The following KCNMB1 variants were observed in gnomAD, a reference collection of about 807,000 sequenced individuals.
KCNMB1 encodes the protein potassium calcium-activated channel subfamily M regulatory beta subunit 1, also known as calcium-activated potassium channel subunit beta-1.
A neutral mutation model predicts 21.7 loss-of-function variants in KCNMB1; 22 were observed. The observed-to-expected ratio is 1.01, with a 90% CI of 0.72 to 1.45. The LOEUF is 1.45. KCNMB1 is among the 40% of genes most tolerant of loss of function. The pLI, the probability that KCNMB1 is intolerant of heterozygous loss-of-function variation, is 0.00. For synonymous variants in KCNMB1, 114 were observed against 107.6 expected (o/e 1.06, Z -0.37); for missense variants, 243 against 243.4 (o/e 1.00, Z 0.01).
intron 3 of KCNMB1, 147 bp from the exon 4 acceptor site, chr5:170,379,120 C>T (rs954557383): frequency 5.3e-5 from 50 of 940,726 alleles, no homozygotes; most frequent in Middle Eastern, 3.3e-4. Context: ...GCAGGCCATG[C>T]GCTGTACAGG....
Position 170,376,782 on chromosome 5 carries a change from C to G in KCNMB1, c.*1922G>C, listed in dbSNP as rs1764022285. ...TAATAATGGGTACTAGACTTAATAC[C>G]TGGGTGATGAAATAATCTGCACAAC... On this transcript the variant is annotated 3_prime_UTR_variant, in exon 4 of 4. Coordinates refer to ENST00000274629, the MANE Select transcript of KCNMB1 (RefSeq NM_004137.4). 1 of 152,028 alleles carries G rather than the reference C, an allele frequency of 6.6e-6. No homozygotes were observed. The highest frequency in any genetic ancestry group is 1.5e-5 in the Non-Finnish European group (1 of 68,028). 9.4% of individuals were successfully genotyped at this position (152,028 alleles called of 1,614,324 possible). A position where few individuals can be genotyped will look rare whatever the true frequency, so the allele number is the denominator to read the frequency against.
intron 3 of KCNMB1, among the ~76,000 whole-genome samples, chr5:170,381,856 G>A (rs552014113): frequency 4.2e-4 from 64 of 152,320 alleles, no homozygotes; most frequent in African/African-American, 1.4e-3. Flanking sequence ...GAATGCCAAC[G>A]CAGAGGCAGG....
Position 170,378,618 on chromosome 5 carries a change from G to A in KCNMB1, c.*86C>T. On this transcript the variant is annotated 3_prime_UTR_variant, in exon 4 of 4. Transcript: ENST00000274629. ...GAAGAGTGGGAGGGCAGGTGGAGAA[G>A]GCATTGTGCTGCAAGTGGGGAGCAG... 1.5e-6 allele frequency: 2 copies of A among 1,368,324 alleles called. No homozygotes were observed. The highest frequency in any genetic ancestry group is 4.6e-5 in the East Asian group (2 of 43,460). 84.8% of individuals were successfully genotyped at this position (1,368,324 alleles called of 1,614,324 possible).
chr5:170,384,659 C>A (rs1201474438), intron 2 of KCNMB1, among the ~76,000 whole-genome samples: 1 of 152,204 alleles, frequency 6.6e-6, no homozygotes, highest in Non-Finnish European at 1.5e-5. Flanking sequence ...TGAGACTTAT[C>A]CTAAGGACAG....
At chr5:170,386,170 G>A (rs1362306726) in intron 1 of KCNMB1, among the ~76,000 whole-genome samples, 1 of 152,056 alleles carries the variant, frequency 6.6e-6, no homozygotes, top group African/African-American at 2.4e-5. Context: ...TTGAAATGGG[G>A]AGACAATATT....
chr5:170,383,443 G>A, intron 3 of KCNMB1: 1 of 612,160 alleles, frequency 1.6e-6, no homozygotes. Context: ...TGGAAACTGA[G>A]GAGGTGAGAG....
chr5:170,385,113 C>A (rs1764410850), intron 2 of KCNMB1, among the ~76,000 whole-genome samples: 2 of 152,184 alleles, frequency 1.3e-5, no homozygotes, highest in South Asian at 4.1e-4. Context: ...ACCACCAGGT[C>A]CTAGAATCTC....
intron 3 of KCNMB1, among the ~76,000 whole-genome samples, chr5:170,379,623 C>T (rs1581127860): frequency 6.6e-6 from 1 of 152,262 alleles, no homozygotes. Context: ...GGATGTCAGG[C>T]CATCCAGAAG....
Position 170,378,599 on chromosome 5 carries a change from TG to T in KCNMB1, c.*104del. On this transcript the variant is annotated 3_prime_UTR_variant, in exon 4 of 4. Coordinates refer to ENST00000274629, the MANE Select transcript of KCNMB1 (RefSeq NM_004137.4). ...GACAGCGTGGATTGGACTGGAAGAGTGGGAGGGCAGGTGGAGAAGGCATTGT... is the reference window on the plus strand; with the variant it reads ...GACAGCGTGGATTGGACTGGAAGAGTGGAGGGCAGGTGGAGAAGGCATTGT... The T allele has an allele frequency of 8.5e-7, 1 of 1,181,674 alleles. No homozygotes were observed. The highest frequency in any genetic ancestry group is 1.5e-5 in the South Asian group (1 of 67,462). The allele number at this position is 1,181,674 out of a possible 1,614,324, so 73.2% of individuals were successfully genotyped here.
Position 170,383,842 on chromosome 5 carries a change from G to T in KCNMB1, c.143C>A (p.Thr48Asn). 6.2e-7 allele frequency: 1 copy of T among 1,613,806 alleles called. No individual in the cohort carries two copies. Among genetic ancestry groups the T allele is most frequent in the Non-Finnish European group, 8.5e-7 (1 of 1,179,924 alleles). Residue 48 changes from threonine to asparagine, a missense_variant, in exon 3 of 4, where the codon ACC becomes AAC. Thr to Asn is a moderately conservative substitution (Grantham distance 65, BLOSUM62 0). Transcript: ENST00000274629. ...AATCAGGTGGCACTTGGATTCCTGGGTCCACACGCTGAGGAGACCACACAC... is the reference window on the plus strand; with the variant it reads ...AATCAGGTGGCACTTGGATTCCTGGTTCCACACGCTGAGGAGACCACACAC... Reference protein sequence around the residue: ...VLPLYQKSVWTQESKCHLIET... With the variant: ...VLPLYQKSVWNQESKCHLIET...
chr5:170,384,680 C>A (rs549765657), intron 2 of KCNMB1, among the ~76,000 whole-genome samples: 18 of 152,330 alleles, frequency 1.2e-4, no homozygotes, highest in African/African-American at 4.1e-4. Context: ...GCTGGGGGAA[C>A]TGAGTGTCTT....
chr5:170,379,263 T>C (rs1335456346), intron 3 of KCNMB1, among the ~76,000 whole-genome samples: 1 of 152,116 alleles, frequency 6.6e-6, no homozygotes, highest in South Asian at 2.1e-4. Context: ...TGTAGAATTT[T>C]TGGCAAATTT....
At chr5:170,385,190 C>T (rs2071157) in intron 2 of KCNMB1, 124 bp downstream of exon 2, 206,902 of 1,034,352 alleles carry the variant, frequency 0.2, 21,825 homozygotes, top group South Asian at 0.27. Flanking sequence ...GAATGAGCAT[C>T]GTCTTGACCC....
At chr5:170,383,211 C>T (rs902213901) in intron 3 of KCNMB1, 1 of 265,860 alleles carries the variant, frequency 3.8e-6, no homozygotes, top group Admixed American at 4.9e-5. Context: ...GCCCTGAGTC[C>T]CTGGTTTCCT....
chr5:170,379,437 C>A (rs975125703), intron 3 of KCNMB1, among the ~76,000 whole-genome samples: 1 of 152,154 alleles, frequency 6.6e-6, no homozygotes, highest in African/African-American at 2.4e-5. Flanking sequence ...TGCTCAATTG[C>A]CTACAGGGCT....
chr5:170,385,885 C>T (rs773418962), intron 1 of KCNMB1, among the ~76,000 whole-genome samples: 1 of 151,800 alleles, frequency 6.6e-6, no homozygotes, highest in African/African-American at 2.4e-5. Context: ...TTTCGGAGAC[C>T]GAGGTGGGCG....
At position 170,377,345 on chromosome 5, in the gene KCNMB1, C is replaced by G. The variant is rs1040402771; in HGVS notation, c.*1359G>C. ...AGTGTGCATTTCTCACAAGCTGCCA[C>G]AGGATCCTGATGCTGCTGGCCCAGG... On this transcript the variant is annotated 3_prime_UTR_variant, in exon 4 of 4. Coordinates refer to ENST00000274629, the MANE Select transcript of KCNMB1 (RefSeq NM_004137.4). 1.3e-5 allele frequency: 2 copies of G among 152,280 alleles called. No individual in the cohort carries two copies. The highest frequency in any genetic ancestry group is 4.1e-4 in the South Asian group (2 of 4,834). The allele number at this position is 152,280 out of a possible 1,614,324, so 9.4% of individuals were successfully genotyped here. A position where few individuals can be genotyped will look rare whatever the true frequency, so the allele number is the denominator to read the frequency against.
chr5:170,386,036 G>C (rs538333825), intron 1 of KCNMB1, among the ~76,000 whole-genome samples: 5 of 151,692 alleles, frequency 3.3e-5, no homozygotes, highest in African/African-American at 1.2e-4. Context: ...TGAGGCAGGA[G>C]AATGGCATGA....
intron 1 of KCNMB1, among the ~76,000 whole-genome samples, chr5:170,387,446 G>A (rs1764523250): frequency 1.3e-5 from 2 of 152,120 alleles, no homozygotes; most frequent in South Asian, 2.1e-4. Flanking sequence ...GGGCATCTCC[G>A]CTAAAGGGAA....
Sources: allele counts gnomAD v4.1 joint callset (sites outside exome capture counted in the v4.1 genomes callset), GRCh38; gene constraint gnomAD v4.1.1; transcripts MANE v1.5; gene names NCBI Gene and HGNC (gene_info 2026-07-23, HGNC 2026-07-21).